The following BOD1L1 variants were observed in gnomAD, a reference collection of about 807,000 sequenced individuals.
BOD1L1 encodes the protein biorientation of chromosomes in cell division 1 like 1, also known as biorientation of chromosomes in cell division protein 1-like 1.
BOD1L1 carries 86 observed loss-of-function variants against 240.7 expected under a neutral mutation model. That is an observed-to-expected ratio of 0.36 (90% CI 0.30 to 0.43). BOD1L1 has a LOEUF of 0.43. BOD1L1 is among the 20% of genes least tolerant of loss of function. The pLI is 1.00. For missense variants in BOD1L1, 3,554 were observed against 3,643.5 expected (o/e 0.98, Z 0.63); for synonymous variants, 1,268 against 1,272.3 (o/e 1.00, Z 0.07).
chr4:13,599,511 A>G lies in BOD1L1; in HGVS notation c.7389T>C (p.Asn2463=). ...CTTTCTGAAGGGAGTTCAACAATAC[A>G]TTCTTCTCTTCTGCATTTATGAGGT... ...TLHLINAEEK[N]VLLNSLQKED... is the part of the protein sequence containing the mutation. The change falls in exon 10 of 26, where the codon AAT becomes AAC. Residue 2463 remains asparagine, a synonymous_variant. Transcript: ENST00000040738. 2 of 1,613,790 alleles carry G rather than the reference A, an allele frequency of 1.2e-6. No individual in the cohort carries two copies. The highest frequency in any genetic ancestry group is 8.5e-7 in the Non-Finnish European group (1 of 1,179,844).
chr4:13,593,299 G>A (rs964757413), intron 12 of BOD1L1: 11 of 152,106 alleles, frequency 7.2e-5, no homozygotes, highest in Non-Finnish European at 1.3e-4. Flanking sequence ...ATGAAAGTTC[G>A]TTGCAGCCCT....
At chr4:13,619,305 T>A (rs200456353) in intron 2 of BOD1L1, among the ~76,000 whole-genome samples, 4 of 130,760 alleles carry the variant, frequency 3.1e-5, no homozygotes, top group Non-Finnish European at 4.7e-5. Context: ...TGAGACTCTT[T>A]AAAAAAAAAA....
chr4:13,593,426 C>T (rs1714376997), intron 12 of BOD1L1: 1 of 151,800 alleles, frequency 6.6e-6, no homozygotes, highest in East Asian at 1.9e-4. Flanking sequence ...ATGATGGGTG[C>T]CTGCAATACA....
At chr4:13,591,004 C>T (rs1714161301) in intron 13 of BOD1L1, among the ~76,000 whole-genome samples, 1 of 151,998 alleles carries the variant, frequency 6.6e-6, no homozygotes, top group Admixed American at 6.5e-5. Flanking sequence ...GGAGAACATG[C>T]CAGCTGGCTC....
intron 25 of BOD1L1, among the ~76,000 whole-genome samples, chr4:13,575,722 G>A (rs1461853268): frequency 1.3e-5 from 2 of 152,100 alleles, no homozygotes; most frequent in Non-Finnish European, 2.9e-5. Context: ...TTAACGGTTA[G>A]GATGAGACAA....
In BOD1L1 at chr4:13,614,723, C is replaced by T. The variant is rs756264538; in HGVS notation, c.647G>A (p.Ser216Asn). The T allele has an allele frequency of 3.1e-6, 5 of 1,613,804 alleles. No homozygotes were observed. The highest frequency in any genetic ancestry group is 1.3e-5 in the African/African-American group (1 of 74,946). The change falls in exon 4 of 26, where the codon AGT (serine) becomes AAT (asparagine). Residue 216 changes from serine (S) to asparagine (N), a missense_variant. Coordinates refer to ENST00000040738, the MANE Select transcript of BOD1L1 (RefSeq NM_148894.3). Reference sequence around the variant, plus strand: ...TGTTTCTGTTGAAGCCCTAGCAGCACTGGCTTCTTGGTTAAGAGAAGTTAT... The same window carrying T: ...TGTTTCTGTTGAAGCCCTAGCAGCATTGGCTTCTTGGTTAAGAGAAGTTAT... Reference protein sequence around the residue: ...ETITSLNQEASAARASTETSN... With the variant: ...ETITSLNQEANAARASTETSN...
chr4:13,595,648 T>C (rs1714560515), intron 12 of BOD1L1, among the ~76,000 whole-genome samples: 2 of 152,170 alleles, frequency 1.3e-5, no homozygotes, highest in Admixed American at 6.5e-5. Flanking sequence ...ATTTAAACAA[T>C]TACCCTACAT....
In BOD1L1 at chr4:13,602,735, T is replaced by C; in HGVS notation, c.4165A>G (p.Lys1389Glu). 1 of 1,614,042 alleles carries C rather than the reference T, an allele frequency of 6.2e-7. No homozygotes were observed. The highest frequency in any genetic ancestry group is 2.2e-5 in the East Asian group (1 of 44,882). Residue 1389 changes from lysine to glutamate, a missense_variant, in exon 10 of 26, where the codon AAG becomes GAG. Around this residue, in one of 2 missense-constraint regions of BOD1L1, gnomAD observed 3,393 missense variants for 3,427.1 expected, o/e 0.99. Coordinates refer to ENST00000040738, the MANE Select transcript of BOD1L1 (RefSeq NM_148894.3). ...QGKVIMPLGS[K>E]LTGVIVENEN... ...TTTTCCACAATCACGCCCGTTAACT[T>C]ACTTCCAAGAGGCATGATTACCTTT...
rs1291428186 is a variant in BOD1L1, at chr4:13,575,667, A to G, written c.9038+1171T>C. On this transcript the variant is annotated intron_variant, in intron 25 of 25. Coordinates refer to ENST00000040738, the MANE Select transcript of BOD1L1 (RefSeq NM_148894.3). ...CCAAAGTGTTGGGATTACAAGCATG[A>G]GCTACCGTGCTCAGCCTGGAAAATA... 1.2e-4 allele frequency among the ~76,000 whole-genome samples: 18 copies of G among 152,204 alleles called. 1 individual carries two copies. The highest frequency in any genetic ancestry group is 1.2e-3 in the Admixed American group (18 of 15,278).
Position 13,608,671 on chromosome 4 carries a change from A to G in BOD1L1, c.1604-3T>C. 1.4e-6 allele frequency: 2 copies of G among 1,442,288 alleles called. No individual in the cohort carries two copies. Among genetic ancestry groups the G allele is most frequent in the Non-Finnish European group, 1.8e-6 (2 of 1,098,410 alleles). 89.3% of individuals were successfully genotyped at this position (1,442,288 alleles called of 1,614,324 possible). On this transcript the variant is annotated splice_polypyrimidine_tract_variant and splice_region_variant and intron_variant, in intron 7 of 25. Coordinates refer to ENST00000040738, the MANE Select transcript of BOD1L1 (RefSeq NM_148894.3). Reference sequence around the variant, plus strand: ...TTCTAAGTCCACACTACTCCTGCCTAGAAAAGAAGCAATCAATAAAACGTA... The same window carrying G: ...TTCTAAGTCCACACTACTCCTGCCTGGAAAAGAAGCAATCAATAAAACGTA...
chr4:13,587,982 A>G (rs542186842), intron 15 of BOD1L1, among the ~76,000 whole-genome samples: 52 of 152,140 alleles, frequency 3.4e-4, no homozygotes, highest in Non-Finnish European at 6.9e-4. Flanking sequence ...TCAGGAGATC[A>G]AGACCAACCT....
Position 13,599,788 on chromosome 4 carries a change from T to C in BOD1L1, c.7112A>G (p.His2371Arg), listed in dbSNP as rs1360773867. 3.7e-6 allele frequency: 6 copies of C among 1,613,916 alleles called. No homozygotes were observed. The South Asian group carries it at 4.4e-5, about 12-fold the overall frequency. Reference protein sequence around the residue: ...GDLSATEVSKHKVPMPSLIAE... With the variant: ...GDLSATEVSKRKVPMPSLIAE... ...AATTAGGCTGGGCATGGGGACCTTG[T>C]GCTTGCTCACTTCTGTGGCTGACAG... The change falls in exon 10 of 26, where the codon CAC becomes CGC. Residue 2371 changes from histidine to arginine, a missense_variant. Physicochemically the swap from His to Arg is conservative, Grantham distance 29. This residue lies in a region of BOD1L1 where 3,393 missense variants were observed against 3,427.1 expected (regional missense o/e 0.99). Coordinates refer to ENST00000040738, the MANE Select transcript of BOD1L1 (RefSeq NM_148894.3).
chr4:13,614,576 T>C lies in BOD1L1; in HGVS notation c.794A>G (p.Asp265Gly). The stretch of plus-strand genomic sequence containing the variant: ...TGTTTCCAGTCCTTCACCTCCAGAG[T>C]CAGCTGTAGATTTTTCTTTATCAGC... ...DMADKEKSTA[D>G]SGGEGLETAP... is the part of the protein sequence containing the mutation. Residue 265 changes from aspartate (D) to glycine (G), a missense_variant, in exon 4 of 26, where the codon GAC becomes GGC. Physicochemically the swap from Asp to Gly is moderately conservative, Grantham distance 94 (BLOSUM62 -1). This residue lies in a region of BOD1L1 where 3,393 missense variants were observed against 3,427.1 expected (regional missense o/e 0.99). Transcript: ENST00000040738. 6.2e-7 allele frequency: 1 copy of C among 1,613,832 alleles called. No homozygotes were observed. Among genetic ancestry groups the C allele is most frequent in the Non-Finnish European group, 8.5e-7 (1 of 1,179,862 alleles).
chr4:13,612,969 G>T (rs980661948), intron 5 of BOD1L1, among the ~76,000 whole-genome samples: 1 of 152,154 alleles, frequency 6.6e-6, no homozygotes, highest in Non-Finnish European at 1.5e-5. Flanking sequence ...GTAATTCAAG[G>T]GGGAACAATT....
At chr4:13,570,518 C>T (rs545151388) in intron 25 of BOD1L1, among the ~76,000 whole-genome samples, 6 of 152,310 alleles carry the variant, frequency 3.9e-5, no homozygotes, top group Admixed American at 2.0e-4. Flanking sequence ...AAGAACACAG[C>T]AGGACTGCAA....
chr4:13,603,171 CAG>C lies in BOD1L1; in HGVS notation c.3727_3728del (p.Leu1243GlufsTer7), dbSNP rs771239825. ...IDSETVHRML[L>X]SAPSENDRVQ... ...CCCTATCATTTTCTGATGGGGCACT[CAG>C]TAACATTCTATGAACAGTTTCAGAA... On this transcript the variant is annotated frameshift_variant, in exon 10 of 26. Transcript: ENST00000040738. LOFTEE classifies it high-confidence loss of function. 16 of 1,613,900 alleles carry C rather than the reference CAG, an allele frequency of 9.9e-6. No homozygotes were observed. The Admixed American group carries it at 2.5e-4, about 25-fold the overall frequency.
chr4:13,587,684 CATAA>C lies in BOD1L1; in HGVS notation c.8353+11_8353+14del. 1 of 1,520,744 alleles carries C rather than the reference CATAA, an allele frequency of 6.6e-7. No individual in the cohort carries two copies. Among genetic ancestry groups the C allele is most frequent in the South Asian group, 1.2e-5 (1 of 83,110 alleles). The allele number at this position is 1,520,744 out of a possible 1,614,324, so 94.2% of individuals were successfully genotyped here. On this transcript the variant is annotated intron_variant, in intron 16 of 25. Coordinates refer to ENST00000040738, the MANE Select transcript of BOD1L1 (RefSeq NM_148894.3). ...TTTTCAAAGATGTCTAAAACAGAAA[CATAA>C]ATATAAATACCTGGTTCATCTTCTG...
Position 13,599,519 on chromosome 4 carries a change from C to T in BOD1L1, c.7381G>A (p.Glu2461Lys), listed in dbSNP as rs1714918077. ...AGGGAGTTCAACAATACATTCTTCT[C>T]TTCTGCATTTATGAGGTGTAAAGTG... The part of the protein sequence containing the change: ...ESTLHLINAE[E>K]KNVLLNSLQK... The change falls in exon 10 of 26, where the codon GAG (glutamate) becomes AAG (lysine). Residue 2461 changes from glutamate to lysine, a missense_variant. Around this residue, in one of 2 missense-constraint regions of BOD1L1, gnomAD observed 3,393 missense variants for 3,427.1 expected, o/e 0.99. Coordinates refer to ENST00000040738, the MANE Select transcript of BOD1L1 (RefSeq NM_148894.3). The T allele has an allele frequency of 4.3e-6, 7 of 1,614,058 alleles. No homozygotes were observed. The highest frequency in any genetic ancestry group is 1.3e-5 in the African/African-American group (1 of 75,056).
At chr4:13,583,368 G>A (rs897699336) in intron 17 of BOD1L1, among the ~76,000 whole-genome samples, 1 of 152,120 alleles carries the variant, frequency 6.6e-6, no homozygotes, top group African/African-American at 2.4e-5. Flanking sequence ...ATAAAAAATT[G>A]TAAATCCTCA....
Sources: gnomAD v4.1 joint callset for allele counts (sites outside exome capture counted in the v4.1 genomes callset) on GRCh38, gnomAD v4.1.1 for gene constraint, gnomAD v4.1.1 regional missense constraint, MANE v1.5 for transcripts, NCBI Gene and HGNC (gene_info 2026-07-23, HGNC 2026-07-21) for gene names.